PRICKLE2: variants seen among roughly 807,000 people sequenced by gnomAD.
PRICKLE2 encodes the protein prickle planar cell polarity protein 2, also known as prickle-like protein 2.
Under a neutral mutation model 81.4 loss-of-function variants are expected in PRICKLE2, and 21 were observed. The observed-to-expected ratio is 0.26, with a 90% confidence interval of 0.18 to 0.37. The LOEUF (loss-of-function observed/expected upper bound fraction) is 0.37. PRICKLE2 is among the 10% of genes least tolerant of loss of function. The pLI is 1.00. For synonymous variants in PRICKLE2, 456 were observed against 421.5 expected (o/e 1.08, Z -1.00); for missense variants, 940 against 1,109.0 (o/e 0.85, Z 2.16).
At chr3:64,183,744 C>G (rs2078174060) in intron 2 of PRICKLE2, among the ~76,000 whole-genome samples, 1 of 152,182 alleles carries the variant, frequency 6.6e-6, no homozygotes, top group Non-Finnish European at 1.5e-5. Context: ...CACATCTTTA[C>G]AATCCAAATG....
At chr3:64,237,720 G>A (rs889879255) in intron 2 of PRICKLE2, among the ~76,000 whole-genome samples, 3 of 151,830 alleles carry the variant, frequency 2.0e-5, no homozygotes, top group African/African-American at 2.4e-5. Flanking sequence ...GGGCTTCACC[G>A]GGGGGCCCCA....
At chr3:64,221,216 A>T (rs999565152) in intron 1 of PRICKLE2, among the ~76,000 whole-genome samples, 1 of 150,732 alleles carries the variant, frequency 6.6e-6, no homozygotes, top group Non-Finnish European at 1.5e-5. Flanking sequence ...CTCCATCCAA[A>T]CTCACACACT....
rs563322783 is a variant in PRICKLE2, at chr3:64,214,799, C to T, written c.-41+10111G>A. On this transcript the variant is annotated intron_variant, in intron 1 of 7. Transcript: ENST00000638394. Reference sequence around the variant, plus strand: ...CTCCTCCATCCCAGCCCCCGCACTGCGTCCCAAGCCTGCTAGATGTAGCAA... The same window carrying T: ...CTCCTCCATCCCAGCCCCCGCACTGTGTCCCAAGCCTGCTAGATGTAGCAA... Among the ~76,000 whole-genome samples, 28 of 152,254 alleles carry T rather than the reference C, an allele frequency of 1.8e-4. No homozygotes were observed. The Middle Eastern group carries it at 0.014, about 74-fold the overall frequency.
chr3:64,170,762 CT>C, intron 2 of PRICKLE2, among the ~76,000 whole-genome samples: 1 of 150,798 alleles, frequency 6.6e-6, no homozygotes, highest in Non-Finnish European at 1.5e-5. Flanking sequence ...GTGGTCTCAG[CT>C]ACTCTGGAGG....
chr3:64,252,541 A>G (rs2079463090), intron 2 of PRICKLE2, among the ~76,000 whole-genome samples: 1 of 152,188 alleles, frequency 6.6e-6, no homozygotes, highest in Admixed American at 6.5e-5. Flanking sequence ...CTCCATGGCA[A>G]AATTGGTTAT....
intron 2 of PRICKLE2, chr3:64,175,155 C>T: frequency 5.5e-6 from 1 of 180,582 alleles, no homozygotes. Context: ...CAGTGGATCA[C>T]CCCATGTGTA....
intron 1 of PRICKLE2, among the ~76,000 whole-genome samples, chr3:64,214,152 G>A (rs934971485): frequency 7.9e-5 from 12 of 152,178 alleles, no homozygotes; most frequent in African/African-American, 2.7e-4. Flanking sequence ...GAATCCCTCA[G>A]GGGCTTGGCT....
At chr3:64,135,748 A>C (rs1024978590) in intron 7 of PRICKLE2, among the ~76,000 whole-genome samples, 18 of 152,132 alleles carry the variant, frequency 1.2e-4, no homozygotes, top group African/African-American at 4.3e-4. Flanking sequence ...GTGCACACAC[A>C]CAGAGCTATC....
At position 64,098,963 on chromosome 3, in the gene PRICKLE2, CA is replaced by C. The variant is rs1220874133; in HGVS notation, c.*87del. On this transcript the variant is annotated 3_prime_UTR_variant, in exon 8 of 8. Coordinates refer to ENST00000638394, the MANE Select transcript of PRICKLE2 (RefSeq NM_198859.4). ...CCTTTTCTCCCCCATAAGCCACCCCCAAAAGCGCTTTAACATTTAAAACAGT... is the reference window on the plus strand; with the variant it reads ...CCTTTTCTCCCCCATAAGCCACCCCCAAAGCGCTTTAACATTTAAAACAGT... 5 of 1,544,138 alleles carry C rather than the reference CA, an allele frequency of 3.2e-6. No homozygotes were observed. The highest frequency in any genetic ancestry group is 3.6e-6 in the Non-Finnish European group (4 of 1,118,912).
rs34396377 is a variant in PRICKLE2, at chr3:64,128,743, C to CAAAAA, written c.1660+18082_1660+18086dup. On this transcript the variant is annotated intron_variant, in intron 7 of 7. Coordinates refer to ENST00000638394, the MANE Select transcript of PRICKLE2 (RefSeq NM_198859.4). ...CCTGGGCAACAGTGTAAGACTGTCT[C>CAAAAA]AAAAAAAAAAAAAAAAAAAAGGCAT... is the stretch of plus-strand genomic sequence containing the variant. 6.0e-4 allele frequency among the ~76,000 whole-genome samples: 56 copies of CAAAAA among 94,068 alleles called. 1 individual carries two copies. Among genetic ancestry groups the CAAAAA allele is most frequent in the African/African-American group, 2.3e-3 (54 of 23,800 alleles). 61.7% of individuals were successfully genotyped at this position (94,068 alleles called of 152,430 possible). A position where few individuals can be genotyped will look rare whatever the true frequency, so the allele number is the denominator to read the frequency against.
At chr3:64,234,273 T>G (rs1559596074) in intron 2 of PRICKLE2, among the ~76,000 whole-genome samples, 1 of 149,768 alleles carries the variant, frequency 6.7e-6, no homozygotes, top group Non-Finnish European at 1.5e-5. Flanking sequence ...CAGTTTCACA[T>G]TCTCACAAGT....
At chr3:64,260,659 T>C (rs1468565185) in intron 2 of PRICKLE2, among the ~76,000 whole-genome samples, 2 of 152,246 alleles carry the variant, frequency 1.3e-5, no homozygotes, top group East Asian at 3.8e-4. Context: ...TCCTCTTCCC[T>C]GCCAATATCT....
intron 7 of PRICKLE2, chr3:64,103,130 AATAT>A (rs1483150533): frequency 6.6e-6 from 1 of 152,226 alleles, no homozygotes; most frequent in Non-Finnish European, 1.5e-5. Flanking sequence ...TTAACATTAG[AATAT>A]ATTCATCTGA....
upstream of PRICKLE2, among the ~76,000 whole-genome samples, chr3:64,226,534 C>G (rs1437859771): frequency 6.6e-6 from 1 of 152,214 alleles, no homozygotes; most frequent in Non-Finnish European, 1.5e-5. Flanking sequence ...GGTATAAACA[C>G]AGTCTCTGCT....
At chr3:64,101,008 A>C (rs1040080855) in intron 7 of PRICKLE2, 1 of 152,234 alleles carries the variant, frequency 6.6e-6, no homozygotes, top group Non-Finnish European at 1.5e-5. Flanking sequence ...CTTCCGTGAC[A>C]AAACCTAAAG....
chr3:64,266,560 A>C (rs1229432725), intron 2 of PRICKLE2, among the ~76,000 whole-genome samples: 2 of 152,138 alleles, frequency 1.3e-5, no homozygotes, highest in African/African-American at 4.8e-5. Flanking sequence ...TGCATATATA[A>C]ATTCTTCACT....
At chr3:64,229,015 C>T (rs1474354367), upstream of PRICKLE2, among the ~76,000 whole-genome samples, 1 of 152,100 alleles carries the variant, frequency 6.6e-6, no homozygotes, top group Non-Finnish European at 1.5e-5. Context: ...GAAGGCCTTA[C>T]TAAGCATGAC....
chr3:64,230,818 T>C (rs966302443), intron 2 of PRICKLE2, among the ~76,000 whole-genome samples: 3 of 152,238 alleles, frequency 2.0e-5, no homozygotes, highest in Admixed American at 6.5e-5. Flanking sequence ...ATATATAAAG[T>C]ACTGTGTAGA....
rs552368122 is a variant in PRICKLE2, at chr3:64,156,849, C to T, written c.600+313G>A. On this transcript the variant is annotated intron_variant, in intron 5 of 7. Transcript: ENST00000638394. ...GGTTAATATCTAAAGATGCACAATG[C>T]AATTTTGTTTTGTTTTGTTTTTAGG... is the stretch of plus-strand genomic sequence containing the variant. 4.6e-5 allele frequency among the ~76,000 whole-genome samples: 7 copies of T among 152,182 alleles called. No homozygotes were observed. The South Asian group carries it at 8.3e-4, about 18-fold the overall frequency.
Sources: allele counts gnomAD v4.1 joint callset (sites outside exome capture counted in the v4.1 genomes callset), GRCh38; gene constraint gnomAD v4.1.1; transcripts MANE v1.5; gene names NCBI Gene and HGNC (gene_info 2026-07-23, HGNC 2026-07-21).